Variants in ESRRG observed in about 807,000 individuals in gnomAD.
ESRRG encodes estrogen related receptor gamma.
A neutral mutation model predicts 44.0 loss-of-function variants in ESRRG; 13 were observed. The ratio of observed to expected loss-of-function variants is 0.30; its 90% CI spans 0.19 to 0.47. The LOEUF is 0.47. Among genes scored for constraint, ESRRG ranks in the 20% least tolerant of loss-of-function variants. The pLI is 1.00. For missense variants in ESRRG, 395 were observed against 580.6 expected (o/e 0.68, Z 3.29); for synonymous variants, 215 against 214.6 (o/e 1.00, Z -0.02).
intron 6 of ESRRG, among the ~76,000 whole-genome samples, chr1:216,518,126 T>C (rs1413100639): frequency 3.3e-5 from 5 of 152,172 alleles, no homozygotes; most frequent in Non-Finnish European, 7.4e-5. Context: ...CATCCACAAG[T>C]AAGCAAAAGC....
chr1:217,082,362 G>A (rs12022953), intron 1 of ESRRG, among the ~76,000 whole-genome samples: 28,149 of 152,148 alleles, frequency 0.19, 2,810 homozygotes, highest in East Asian at 0.31. Flanking sequence ...CCAAGAGTCT[G>A]ACTCAACTCT....
intron 1 of ESRRG, among the ~76,000 whole-genome samples, chr1:216,977,461 A>G (rs2073173980): frequency 6.6e-6 from 1 of 152,082 alleles, no homozygotes; most frequent in Non-Finnish European, 1.5e-5. Context: ...ATTTTACTTA[A>G]TATTTGTAGT....
At chr1:216,664,387 CAT>C (rs1158636676) in intron 2 of ESRRG, among the ~76,000 whole-genome samples, 1 of 151,404 alleles carries the variant, frequency 6.6e-6, no homozygotes, top group Non-Finnish European at 1.5e-5. Flanking sequence ...ATGTAAAGCA[CAT>C]AGAACAATGT....
intron 1 of ESRRG, among the ~76,000 whole-genome samples, chr1:216,719,509 CTTCTT>C (rs532982981): frequency 4.0e-5 from 6 of 151,894 alleles, no homozygotes; most frequent in African/African-American, 1.4e-4. Flanking sequence ...ATTTTTAAAC[CTTCTT>C]TTCTTTTCTT....
At chr1:216,585,997 G>T (rs748392116) in intron 3 of ESRRG, among the ~76,000 whole-genome samples, 6 of 150,166 alleles carry the variant, frequency 4.0e-5, no homozygotes, top group Admixed American at 1.3e-4. Flanking sequence ...CCGAGACTGT[G>T]CCACTGCACT....
chr1:216,889,149 G>A (rs1559996973), intron 2 of ESRRG, among the ~76,000 whole-genome samples: 1 of 152,194 alleles, frequency 6.6e-6, no homozygotes, highest in Non-Finnish European at 1.5e-5. Flanking sequence ...CCCTGCGAAT[G>A]TAATAAGCGA....
intron 5 of ESRRG, among the ~76,000 whole-genome samples, chr1:216,558,948 C>T (rs2058150179): frequency 6.6e-6 from 1 of 152,020 alleles, no homozygotes; most frequent in South Asian, 2.1e-4. Context: ...GGGCTCACTG[C>T]AACCTCCGCC....
intron 1 of ESRRG, among the ~76,000 whole-genome samples, chr1:217,103,981 A>G (rs1473592477): frequency 1.3e-5 from 2 of 152,108 alleles, no homozygotes; most frequent in Non-Finnish European, 2.9e-5. Flanking sequence ...GGCAGGATCA[A>G]CCTCACTTGG....
intron 5 of ESRRG, among the ~76,000 whole-genome samples, chr1:216,530,717 C>A (rs1006409786): frequency 2.0e-5 from 3 of 152,154 alleles, no homozygotes; most frequent in Admixed American, 2.0e-4. Context: ...AGAATCAATT[C>A]TATCTTGGAT....
intron 1 of ESRRG, among the ~76,000 whole-genome samples, chr1:216,716,069 T>C (rs1199922922): frequency 6.6e-6 from 1 of 152,038 alleles, no homozygotes; most frequent in Non-Finnish European, 1.5e-5. Flanking sequence ...AGAAAACATA[T>C]GCAAAGTGCA....
intron 1 of ESRRG, among the ~76,000 whole-genome samples, chr1:216,944,362 A>G (rs545835471): frequency 1.6e-4 from 24 of 152,324 alleles, no homozygotes; most frequent in African/African-American, 5.8e-4. Context: ...CGCTGGAAAC[A>G]TGGAAAGTTA....
At chr1:216,755,947 C>T (rs2092414205) in intron 2 of ESRRG, among the ~76,000 whole-genome samples, 1 of 151,920 alleles carries the variant, frequency 6.6e-6, no homozygotes, top group South Asian at 2.1e-4. Context: ...TGACCCTGGC[C>T]CCCCTGCACA....
chr1:216,564,519 G>A (rs11117622), intron 4 of ESRRG, 139 bp from the exon 5 acceptor site: 6 of 568,406 alleles, frequency 1.1e-5, no homozygotes, highest in Non-Finnish European at 2.9e-6. Context: ...GGCTCAATAG[G>A]TATATATTAA....
intron 2 of ESRRG, among the ~76,000 whole-genome samples, chr1:216,915,353 G>A (rs1354185146): frequency 6.6e-6 from 1 of 152,156 alleles, no homozygotes; most frequent in African/African-American, 2.4e-5. Context: ...GGCATGAAGA[G>A]TCCAAATATG....
chr1:217,134,431 T>C (rs933148141), intron 1 of ESRRG, among the ~76,000 whole-genome samples: 2 of 152,226 alleles, frequency 1.3e-5, no homozygotes, highest in African/African-American at 4.8e-5. Context: ...CACAGGGCCC[T>C]GCGCGCCAGA....
At chr1:216,655,756 T>C (rs1400385773) in intron 2 of ESRRG, among the ~76,000 whole-genome samples, 1 of 152,158 alleles carries the variant, frequency 6.6e-6, no homozygotes, top group Non-Finnish European at 1.5e-5. Flanking sequence ...AAATAACTTA[T>C]TTGCTTTATT....
chr1:216,819,145 C>T (rs1487844623), intron 2 of ESRRG, among the ~76,000 whole-genome samples: 2 of 152,126 alleles, frequency 1.3e-5, no homozygotes, highest in Admixed American at 6.6e-5. Flanking sequence ...GCCTCTAGAT[C>T]TTTAAGGAAT....
At chr1:216,683,144 G>A (rs961360989) in intron 1 of ESRRG, among the ~76,000 whole-genome samples, 5 of 152,060 alleles carry the variant, frequency 3.3e-5, no homozygotes, top group Non-Finnish European at 7.4e-5. Flanking sequence ...ATTGCATTAA[G>A]GTACACTGGC....
chr1:216,876,974 TA>T (rs1446600721), intron 2 of ESRRG, among the ~76,000 whole-genome samples: 2 of 114,358 alleles, frequency 1.7e-5, no homozygotes, highest in African/African-American at 6.3e-5. Context: ...ATCTCTTCAC[TA>T]ATGTGTGTGT....
Sources: gnomAD v4.1 joint callset for allele counts (sites outside exome capture counted in the v4.1 genomes callset) on GRCh38, gnomAD v4.1.1 for gene constraint, MANE v1.5 for transcripts, NCBI Gene and HGNC (gene_info 2026-07-23, HGNC 2026-07-21) for gene names.